Variants in DCST2 observed in about 807,000 individuals in gnomAD.
DCST2 encodes DC-STAMP domain-containing protein 2.
Under a neutral mutation model 81.8 loss-of-function variants are expected in DCST2, and 64 were observed. The ratio of observed to expected loss-of-function variants is 0.78; its 90% CI spans 0.64 to 0.96. The LOEUF (loss-of-function observed/expected upper bound fraction) is 0.96, where lower values mean the gene tolerates loss of function less well. Among genes scored for constraint, DCST2 ranks in the 40% least tolerant of loss-of-function variants. DCST2 has a pLI of 0.00. For missense variants in DCST2, 945 were observed against 1,001.4 expected, an observed-to-expected ratio of 0.94 and a Z score of 0.76; for synonymous variants, 354 against 402.6, an observed-to-expected ratio of 0.88 and a Z score of 1.44.
rs1456051566 is a variant in DCST2 at position 155,030,598 on chromosome 1, T to C, written c.853A>G (p.Met285Val). The change falls in exon 6 of 15, where the codon ATG (methionine) becomes GTG (valine). Residue 285 changes from methionine (M) to valine (V), a missense_variant. Transcript: ENST00000368424. The part of the protein sequence containing the change: ...NRVRQEFEFN[M>V]TATHHFSVDL... ...ACAGAGAAGTGGTGGGTGGCTGTCA[T>C]GTTGAACTCAAACTCCTGACGCACC... 4.3e-6 allele frequency: 7 copies of C among 1,613,966 alleles called. No individual in the cohort carries two copies. The highest frequency in any genetic ancestry group is 3.3e-5 in the Admixed American group (2 of 60,018).
At chr1:155,021,434 TC>T (rs1274339560) in intron 14 of DCST2, among the ~76,000 whole-genome samples, 2 of 142,240 alleles carry the variant, frequency 1.4e-5, no homozygotes, top group Non-Finnish European at 3.2e-5. Flanking sequence ...ACTGTGCCCA[TC>T]CCCCTACTTG....
chr1:155,032,906 C>T (rs187680978), intron 2 of DCST2, 138 bp from the exon 3 acceptor site: 10 of 1,031,322 alleles, frequency 9.7e-6, no homozygotes, highest in South Asian at 3.1e-5. Flanking sequence ...CCTGGGAGAT[C>T]GTTAATCTGG....
In DCST2 at chr1:155,023,361, C is replaced by A; in HGVS notation, c.1964+3G>T. Reference sequence around the variant, plus strand: ...AGCCACCCCATGTCACTGAAAGACTCACAGCTCCAGGTCCAGGTCCCCCTG... The same window carrying A: ...AGCCACCCCATGTCACTGAAAGACTAACAGCTCCAGGTCCAGGTCCCCCTG... On this transcript the variant is annotated splice_donor_region_variant and intron_variant, in intron 13 of 14. Coordinates refer to ENST00000368424, the MANE Select transcript of DCST2 (RefSeq NM_144622.3). 6.2e-7 allele frequency: 1 copy of A among 1,609,078 alleles called. No individual in the cohort carries two copies. Among genetic ancestry groups the A allele is most frequent in the Non-Finnish European group, 8.5e-7 (1 of 1,177,662 alleles).
chr1:155,031,097 G>A, intron 5 of DCST2, 72 bp downstream of exon 5: 1 of 1,500,768 alleles, frequency 6.7e-7, no homozygotes, highest in Non-Finnish European at 9.0e-7. Context: ...CTGGGGGCTG[G>A]CCATGGCCAC....
In DCST2 at chr1:155,026,661, T is replaced by G; in HGVS notation, c.1397A>C (p.Tyr466Ser). ...ATCAAATGCTGACACCAGGTCACGA[T>G]AAATATTCCCAGCGTAGCCAGTACC... ...VEGTGYAGNI[Y>S]RDLVSAFDVL... The change falls in exon 9 of 15, where the codon TAT becomes TCT. Residue 466 changes from tyrosine (Y) to serine (S), a missense_variant. Transcript: ENST00000368424. 1 of 1,614,200 alleles carries G rather than the reference T, an allele frequency of 6.2e-7. No individual in the cohort carries two copies. Among genetic ancestry groups the G allele is most frequent in the Non-Finnish European group, 8.5e-7 (1 of 1,180,048 alleles).
At chr1:155,032,598 T>G in intron 3 of DCST2, 69 bp downstream of exon 3, 986 of 1,367,114 alleles carry the variant, frequency 7.2e-4, no homozygotes, top group Non-Finnish European at 9.4e-4. Flanking sequence ...ATTACAGGCA[T>G]GAGCCACCGC....
intron 8 of DCST2, 147 bp from the exon 9 acceptor site, chr1:155,026,862 C>G: frequency 5.4e-6 from 5 of 919,206 alleles, no homozygotes; most frequent in Non-Finnish European, 8.2e-6. Flanking sequence ...CAGGCACCCT[C>G]ATGGTGCCCT....
Position 155,023,185 on chromosome 1 carries a change from C to T in DCST2, c.2037G>A (p.Trp679Ter). ...CTTCTTGGAGCTGTTGCTGCAATAA[C>T]CATGCCTGCTCAGGGTCCTTCCTTT... is the stretch of plus-strand genomic sequence containing the variant. Reference protein sequence around the residue: ...AAQRKDPEQAWLLQQQLQEVL... With the variant: ...AAQRKDPEQA Residue 679 changes from tryptophan (W) to a stop codon, truncating the protein, a stop_gained, in exon 14 of 15, where the codon TGG (tryptophan) becomes TGA (stop). Transcript: ENST00000368424. LOFTEE classifies it high-confidence loss of function. 1.2e-6 allele frequency: 2 copies of T among 1,614,190 alleles called. No homozygotes were observed. The highest frequency in any genetic ancestry group is 1.7e-6 in the Non-Finnish European group (2 of 1,180,048).
intron 7 of DCST2, 31 bp downstream of exon 7, chr1:155,030,053 C>T (rs775479125): frequency 6.2e-7 from 1 of 1,610,412 alleles, no homozygotes; most frequent in African/African-American, 1.3e-5. Flanking sequence ...GCCTCCCTGG[C>T]TTGGGCTCTC....
rs142470916 is a variant in DCST2 at position 155,027,028 on chromosome 1, T to C, written c.1343-313A>G. On this transcript the variant is annotated intron_variant, in intron 8 of 14. Transcript: ENST00000368424. ...CTCCATGACCACCCAGAAGCATTTATTTTTTTTTTTAATTTATTTTTTGAG... is the reference window on the plus strand; with the variant it reads ...CTCCATGACCACCCAGAAGCATTTACTTTTTTTTTTAATTTATTTTTTGAG... Among the ~76,000 whole-genome samples, 421 of 149,566 alleles carry C rather than the reference T, an allele frequency of 2.8e-3. 4 individuals are homozygous for C. Among genetic ancestry groups the C allele is most frequent in the African/African-American group, 0.01 (413 of 40,850 alleles).
chr1:155,019,509 G>A (rs1176131985), intron 14 of DCST2, among the ~76,000 whole-genome samples: 1 of 152,240 alleles, frequency 6.6e-6, no homozygotes, highest in African/African-American at 2.4e-5. Context: ...TCATTCCAGA[G>A]TTCTTCCCTG....
chr1:155,020,240 G>A (rs1030690215), intron 14 of DCST2, among the ~76,000 whole-genome samples: 1 of 152,132 alleles, frequency 6.6e-6, no homozygotes, highest in Admixed American at 6.5e-5. Context: ...GCTCTGTGAA[G>A]CTAACTCTCT....
intron 8 of DCST2, among the ~76,000 whole-genome samples, chr1:155,027,070 T>A (rs904755615): frequency 2.6e-5 from 4 of 152,090 alleles, no homozygotes; most frequent in Non-Finnish European, 5.9e-5. Flanking sequence ...TTTCACTTTG[T>A]CACCCAGGCT....
intron 5 of DCST2, 189 bp from the exon 6 acceptor site, chr1:155,030,834 A>G: frequency 1.6e-6 from 1 of 630,752 alleles, no homozygotes; most frequent in Non-Finnish European, 2.8e-6. Context: ...TCGCCATCAC[A>G]TGCTCAGCAC....
At chr1:155,020,145 T>A (rs1659710315) in intron 14 of DCST2, among the ~76,000 whole-genome samples, 2 of 152,144 alleles carry the variant, frequency 1.3e-5, no homozygotes, top group South Asian at 4.1e-4. Flanking sequence ...CCAACGTGCT[T>A]TTACACTGCC....
At chr1:155,032,812 G>A in intron 2 of DCST2, 44 bp from the exon 3 acceptor site, 2 of 1,559,868 alleles carry the variant, frequency 1.3e-6, no homozygotes, top group Non-Finnish European at 1.8e-6. Flanking sequence ...TTCTCCTCTA[G>A]GGGCTGGTTC....
intron 7 of DCST2, 28 bp downstream of exon 7, chr1:155,030,056 G>A (rs760533951): frequency 1.2e-6 from 2 of 1,610,660 alleles, no homozygotes; most frequent in Non-Finnish European, 1.7e-6. Flanking sequence ...TCCCTGGCTT[G>A]GGCTCTCCCT....
chr1:155,030,239 G>T lies in DCST2; in HGVS notation c.1022C>A (p.Ala341Asp), dbSNP rs1558101778. The change falls in exon 7 of 15, where the codon GCC (alanine) becomes GAC (aspartate). Residue 341 changes from alanine (A) to aspartate (D), a missense_variant and splice_region_variant. Coordinates refer to ENST00000368424, the MANE Select transcript of DCST2 (RefSeq NM_144622.3). ...PLLLVLLYLQALFYRYCYLNW... is the reference protein window; with the variant it reads ...PLLLVLLYLQDLFYRYCYLNW... Reference sequence around the variant, plus strand: ...CAGGTAACAATACCGGTAAAATAGGGCTCTGGGAAGGGGAGGTGGAGCACA... The same window carrying T: ...CAGGTAACAATACCGGTAAAATAGGTCTCTGGGAAGGGGAGGTGGAGCACA... 1.2e-6 allele frequency: 2 copies of T among 1,613,968 alleles called. No homozygotes were observed. The highest frequency in any genetic ancestry group is 2.7e-5 in the African/African-American group (2 of 74,908).
chr1:155,028,143 C>G (rs1659964266), intron 8 of DCST2, among the ~76,000 whole-genome samples: 1 of 151,878 alleles, frequency 6.6e-6, no homozygotes, highest in African/African-American at 2.4e-5. Context: ...CCAGCCTGGT[C>G]TCAAACTCCT....
Sources: gnomAD v4.1 joint callset for allele counts (sites outside exome capture counted in the v4.1 genomes callset) on GRCh38, gnomAD v4.1.1 for gene constraint, MANE v1.5 for transcripts, NCBI Gene and HGNC (gene_info 2026-07-23, HGNC 2026-07-21) for gene names.